DGKB: variants seen among roughly 807,000 people sequenced by gnomAD.
The protein encoded by DGKB is 90 kDa diacylglycerol kinase.
DGKB carries 67 observed loss-of-function variants against 114.3 expected under a neutral mutation model. The ratio of observed to expected loss-of-function variants is 0.59; its 90% confidence interval spans 0.48 to 0.72. The LOEUF is 0.72. DGKB is among the 30% of genes least tolerant of loss of function. The probability of loss-of-function intolerance (pLI) is 0.00; values close to 1 mark genes in which losing one functional copy is unlikely to be tolerated. For synonymous variants in DGKB, 398 were observed against 323.1 expected, an observed-to-expected ratio of 1.23 and a Z score of -2.49; for missense variants, 907 against 975.2, an observed-to-expected ratio of 0.93 and a Z score of 0.93.
chr7:14,158,777 T>C (rs1300124352), intron 25 of DGKB, among the ~76,000 whole-genome samples: 1 of 152,068 alleles, frequency 6.6e-6, no homozygotes, highest in East Asian at 1.9e-4. Flanking sequence ...TTTTTTCAGG[T>C]CCTCCTGTTT....
At chr7:14,957,408 A>G (rs1786573106) in intron 1 of DGKB, among the ~76,000 whole-genome samples, 1 of 152,082 alleles carries the variant, frequency 6.6e-6, no homozygotes, top group South Asian at 2.1e-4. Context: ...TATGTAGCCA[A>G]CTATAATACA....
chr7:14,266,976 T>C lies in DGKB; in HGVS notation c.2122+71539A>G, dbSNP rs571351592. Reference sequence around the variant, plus strand: ...ACATTACCTTATATTTTAAAGCCAATTTGTTTTGTAATATAGATAATGAAC... The same window carrying C: ...ACATTACCTTATATTTTAAAGCCAACTTGTTTTGTAATATAGATAATGAAC... On this transcript the variant is annotated intron_variant, in intron 23 of 25. Transcript: ENST00000402815. Among the ~76,000 whole-genome samples, 54 of 145,900 alleles carry C rather than the reference T, an allele frequency of 3.7e-4. No individual in the cohort carries two copies. In the South Asian group the frequency reaches 0.012, roughly 32 times the overall value.
At chr7:14,608,767 G>T (rs1219385969) in intron 16 of DGKB, among the ~76,000 whole-genome samples, 2 of 151,700 alleles carry the variant, frequency 1.3e-5, no homozygotes, top group Admixed American at 6.6e-5. Flanking sequence ...ATCAATAGCA[G>T]TTCAATAACA....
intron 17 of DGKB, among the ~76,000 whole-genome samples, chr7:14,605,140 AAC>A (rs1445800651): frequency 1.3e-5 from 2 of 151,994 alleles, no homozygotes; most frequent in Admixed American, 6.6e-5. Flanking sequence ...ATAATTGTAA[AAC>A]ACAGGCAATA....
chr7:14,642,296 T>C (rs1361414866), intron 13 of DGKB, among the ~76,000 whole-genome samples: 1 of 152,196 alleles, frequency 6.6e-6, no homozygotes, highest in Non-Finnish European at 1.5e-5. Flanking sequence ...CTTCTTCTGT[T>C]TGATGCAATA....
At chr7:14,157,616 G>T (rs1287643239) in intron 25 of DGKB, among the ~76,000 whole-genome samples, 1 of 152,004 alleles carries the variant, frequency 6.6e-6, no homozygotes, top group Non-Finnish European at 1.5e-5. Flanking sequence ...ACATTGCATG[G>T]GAAATATTCA....
At chr7:14,965,427 T>G (rs1159976724) in intron 1 of DGKB, among the ~76,000 whole-genome samples, 1 of 152,130 alleles carries the variant, frequency 6.6e-6, no homozygotes. Flanking sequence ...TCATCTCAAG[T>G]AGATGGAATT....
intron 21 of DGKB, among the ~76,000 whole-genome samples, chr7:14,355,962 A>G (rs1437966871): frequency 3.3e-5 from 5 of 151,976 alleles, no homozygotes; most frequent in Admixed American, 6.6e-5. Context: ...AGAACTTGCT[A>G]TTTGTCTATT....
chr7:14,428,828 C>T (rs1473219345), intron 21 of DGKB, among the ~76,000 whole-genome samples: 1 of 152,042 alleles, frequency 6.6e-6, no homozygotes, highest in Non-Finnish European at 1.5e-5. Context: ...AACAAAAAAA[C>T]CCATGCTCAT....
Position 14,550,944 on chromosome 7 carries a change from C to G in DGKB, c.1770+23268G>C, listed in dbSNP as rs1176037825. ...TCTCACGACTAGACAAAAAATTCTTCCTTTTTAATCAGTCTGTGAGCATTG... is the reference window on the plus strand; with the variant it reads ...TCTCACGACTAGACAAAAAATTCTTGCTTTTTAATCAGTCTGTGAGCATTG... On this transcript the variant is annotated intron_variant, in intron 20 of 25. Coordinates refer to ENST00000402815, the MANE Select transcript of DGKB (RefSeq NM_001350709.2). Among the ~76,000 whole-genome samples, 14 of 152,122 alleles carry G rather than the reference C, an allele frequency of 9.2e-5. 1 individual carries two copies. Among genetic ancestry groups the G allele is most frequent in the Admixed American group, 9.2e-4 (14 of 15,276 alleles).
chr7:14,962,636 TTGTGTG>T lies in DGKB; in HGVS notation c.-188+12054_-188+12059del, dbSNP rs71004348. Among the ~76,000 whole-genome samples, 868 of 142,028 alleles carry T rather than the reference TTGTGTG, an allele frequency of 6.1e-3. 7 individuals carry two copies. Among genetic ancestry groups the T allele is most frequent in the African/African-American group, 0.02 (811 of 39,580 alleles). The allele number at this position is 142,028 out of a possible 152,430, so 93.2% of individuals were successfully genotyped here. A position where few individuals can be genotyped will look rare whatever the true frequency, so the allele number is the denominator to read the frequency against. On this transcript the variant is annotated intron_variant, in intron 1 of 4. Transcript: ENST00000437998. Reference sequence around the variant, plus strand: ...GCTATAGCTGTGTGTGTGTGTGTGTTTGTGTGTGTGTGTGTGTGTGTGTGTGTGTGT... The same window carrying T: ...GCTATAGCTGTGTGTGTGTGTGTGTTTGTGTGTGTGTGTGTGTGTGTGTGT...
chr7:14,917,084 T>C (rs1463495371), intron 1 of DGKB, among the ~76,000 whole-genome samples: 1 of 152,004 alleles, frequency 6.6e-6, no homozygotes, highest in Non-Finnish European at 1.5e-5. Context: ...TTAAACTAAA[T>C]GACTAAGAAA....
At chr7:14,628,348 T>C (rs1225401567) in intron 14 of DGKB, among the ~76,000 whole-genome samples, 2 of 141,126 alleles carry the variant, frequency 1.4e-5, no homozygotes, top group Non-Finnish European at 3.1e-5. Context: ...AGTGGTCAAG[T>C]TAAGTTTAGA....
intron 2 of DGKB, among the ~76,000 whole-genome samples, chr7:14,831,180 C>T (rs1243486200): frequency 6.6e-6 from 1 of 151,680 alleles, no homozygotes; most frequent in African/African-American, 2.4e-5. Context: ...GGTGAGAGAC[C>T]AAGACAAGGA....
intron 13 of DGKB, among the ~76,000 whole-genome samples, chr7:14,653,907 G>T (rs1815203782): frequency 6.6e-6 from 1 of 151,946 alleles, no homozygotes; most frequent in Non-Finnish European, 1.5e-5. Flanking sequence ...GGCCATTTAT[G>T]ACAAACCCAC....
intron 25 of DGKB, among the ~76,000 whole-genome samples, chr7:14,163,249 A>C (rs1270296564): frequency 6.6e-6 from 1 of 151,944 alleles, no homozygotes; most frequent in East Asian, 1.9e-4. Context: ...CTTTTTTTTT[A>C]ACCAATCTGA....
At chr7:14,367,208 G>A (rs1311573461) in intron 21 of DGKB, among the ~76,000 whole-genome samples, 4 of 152,050 alleles carry the variant, frequency 2.6e-5, no homozygotes, top group Admixed American at 6.6e-5. Context: ...TAATGTAAGT[G>A]TTCTGAGCAT....
At chr7:14,848,330 G>A (rs1265355560) in intron 1 of DGKB, among the ~76,000 whole-genome samples, 1 of 152,134 alleles carries the variant, frequency 6.6e-6, no homozygotes, top group African/African-American at 2.4e-5. Flanking sequence ...TGCAGGAAAT[G>A]GAAAGGTAGA....
At chr7:14,593,660 A>G (rs980864653) in intron 17 of DGKB, among the ~76,000 whole-genome samples, 1 of 151,982 alleles carries the variant, frequency 6.6e-6, no homozygotes, top group Non-Finnish European at 1.5e-5. Flanking sequence ...TACATAAATT[A>G]ATATTCAAAA....
Sources: allele counts gnomAD v4.1 joint callset (sites outside exome capture counted in the v4.1 genomes callset), GRCh38; gene constraint gnomAD v4.1.1; transcripts MANE v1.5; gene names NCBI Gene and HGNC (gene_info 2026-07-23, HGNC 2026-07-21).